The following THSD4 variants were observed in gnomAD, a reference collection of about 807,000 sequenced individuals.
THSD4 encodes thrombospondin type-1 domain-containing protein 4.
In THSD4, 69 loss-of-function variants were observed where a neutral mutation model predicts 119.0. The observed-to-expected ratio is 0.58, with a 90% confidence interval of 0.48 to 0.71. The LOEUF (loss-of-function observed/expected upper bound fraction) is 0.71, where lower values mean the gene tolerates loss of function less well. Among genes scored for constraint, THSD4 ranks in the 30% least tolerant of loss-of-function variants. The pLI, the probability that THSD4 is intolerant of heterozygous loss-of-function variation, is 0.00. For synonymous variants in THSD4, 524 were observed against 540.4 expected (o/e 0.97, Z 0.42); for missense variants, 1,393 against 1,391.1 (o/e 1.00, Z -0.02).
chr15:71,526,007 G>A (rs1022349600), intron 7 of THSD4, among the ~76,000 whole-genome samples: 1 of 152,170 alleles, frequency 6.6e-6, no homozygotes, highest in Non-Finnish European at 1.5e-5. Flanking sequence ...AATAAGAACC[G>A]ACCCTATTCG....
rs1260616284 is a variant in THSD4, at chr15:71,141,469, T to C, written c.-59T>C. The stretch of plus-strand genomic sequence containing the variant: ...CATAGGACTTGAACGCAACTCCCAA[T>C]TGCAGAAAATTGGCAACGTCTCTGA... On this transcript the variant is annotated 5_prime_UTR_variant, in exon 2 of 18. Coordinates refer to ENST00000261862, the MANE Select transcript of THSD4 (RefSeq NM_024817.3). 24 of 1,551,296 alleles carry C rather than the reference T, an allele frequency of 1.5e-5. No homozygotes were observed. In the Middle Eastern group the frequency reaches 5.1e-4, roughly 33 times the overall value.
At chr15:71,457,833 A>G (rs955713278) in intron 7 of THSD4, among the ~76,000 whole-genome samples, 1 of 152,106 alleles carries the variant, frequency 6.6e-6, no homozygotes, top group Non-Finnish European at 1.5e-5. Context: ...CTTTGGTTAT[A>G]TGTTTATGGC....
chr15:71,240,605 C>T (rs1596285963), intron 4 of THSD4, among the ~76,000 whole-genome samples: 1 of 152,114 alleles, frequency 6.6e-6, no homozygotes, highest in African/African-American at 2.4e-5. Flanking sequence ...GTCCATTTCT[C>T]TGTTACCTTC....
intron 3 of THSD4, among the ~76,000 whole-genome samples, chr15:71,180,515 A>T (rs1305721371): frequency 6.6e-6 from 1 of 152,206 alleles, no homozygotes; most frequent in Non-Finnish European, 1.5e-5. Flanking sequence ...AGGGGGGAAT[A>T]CATATGAGAA....
At chr15:71,377,123 GT>G (rs1463738777) in intron 6 of THSD4, among the ~76,000 whole-genome samples, 2 of 152,240 alleles carry the variant, frequency 1.3e-5, no homozygotes, top group Non-Finnish European at 2.9e-5. Flanking sequence ...GGGAATCAAT[GT>G]GGCAGGATGG....
chr15:71,609,654 C>A (rs1426116006), intron 7 of THSD4, among the ~76,000 whole-genome samples: 1 of 152,032 alleles, frequency 6.6e-6, no homozygotes, highest in Admixed American at 6.5e-5. Flanking sequence ...AAATTGAGAC[C>A]ATCCTGGCTA....
intron 13 of THSD4, among the ~76,000 whole-genome samples, chr15:71,748,142 G>C (rs1338673205): frequency 6.6e-6 from 1 of 152,182 alleles, no homozygotes; most frequent in Non-Finnish European, 1.5e-5. Context: ...CATTTTTAAG[G>C]TTTCTCTGGG....
intron 1 of THSD4, among the ~76,000 whole-genome samples, chr15:71,103,485 G>C (rs1030914063): frequency 6.6e-6 from 1 of 152,114 alleles, no homozygotes; most frequent in Non-Finnish European, 1.5e-5. Context: ...GCTCCTTGGG[G>C]CCTCCCTTTT....
At chr15:71,655,198 G>A (rs1299247369) in intron 7 of THSD4, among the ~76,000 whole-genome samples, 2 of 152,190 alleles carry the variant, frequency 1.3e-5, no homozygotes, top group African/African-American at 2.4e-5. Flanking sequence ...AGCAGTACAC[G>A]ATGAGCAAGA....
chr15:71,770,915 T>C (rs781719747), intron 16 of THSD4, 149 bp from the exon 17 acceptor site: 3 of 1,177,640 alleles, frequency 2.5e-6, no homozygotes, highest in Non-Finnish European at 2.4e-6. Flanking sequence ...TTGCTGATTG[T>C]TGAAGCTGGT....
chr15:71,582,265 T>A (rs947501447), intron 7 of THSD4, among the ~76,000 whole-genome samples: 1 of 152,192 alleles, frequency 6.6e-6, no homozygotes, highest in Non-Finnish European at 1.5e-5. Flanking sequence ...GATTGTTTTC[T>A]TCATTTCTTT....
chr15:71,687,582 C>T (rs1404977228), intron 8 of THSD4, among the ~76,000 whole-genome samples: 3 of 152,088 alleles, frequency 2.0e-5, no homozygotes, highest in Non-Finnish European at 4.4e-5. Context: ...TGGTGAAACC[C>T]TGTCTCTACT....
At chr15:71,152,741 T>A (rs368828250) in intron 2 of THSD4, among the ~76,000 whole-genome samples, 2 of 152,110 alleles carry the variant, frequency 1.3e-5, no homozygotes, top group East Asian at 3.9e-4. Flanking sequence ...AGTTCCAGAT[T>A]CTCCTCTCTC....
intron 6 of THSD4, among the ~76,000 whole-genome samples, chr15:71,321,581 A>G (rs576887989): frequency 6.6e-6 from 1 of 152,316 alleles, no homozygotes; most frequent in Non-Finnish European, 1.5e-5. Context: ...CTTTTAAAAC[A>G]TAAGGTTAAC....
chr15:71,660,810 C>T (rs2051291266), intron 8 of THSD4, 76 bp downstream of exon 8: 2 of 1,541,246 alleles, frequency 1.3e-6, no homozygotes, highest in Admixed American at 3.5e-5. Context: ...GTGAGATAGA[C>T]ACAGCAGTGT....
At chr15:71,173,278 T>A (rs560738948) in intron 3 of THSD4, among the ~76,000 whole-genome samples, 1 of 151,908 alleles carries the variant, frequency 6.6e-6, no homozygotes, top group Admixed American at 6.6e-5. Context: ...TACAGTAGCA[T>A]TGAAAAAAAT....
chr15:71,362,793 T>C (rs1346298952), intron 6 of THSD4, among the ~76,000 whole-genome samples: 1 of 152,050 alleles, frequency 6.6e-6, no homozygotes, highest in African/African-American at 2.4e-5. Flanking sequence ...CCTCCACACA[T>C]ATGGAGATCC....
chr15:71,597,298 CTT>C (rs1273902526), intron 7 of THSD4, among the ~76,000 whole-genome samples: 2 of 152,092 alleles, frequency 1.3e-5, no homozygotes, highest in East Asian at 1.9e-4. Flanking sequence ...CAATTGGACT[CTT>C]TAGCAATTGA....
At chr15:71,102,134 A>G (rs1348491927) in intron 1 of THSD4, among the ~76,000 whole-genome samples, 1 of 152,218 alleles carries the variant, frequency 6.6e-6, no homozygotes, top group African/African-American at 2.4e-5. Context: ...TGAGTCATTT[A>G]TCTTTGATTG....
Sources: allele counts gnomAD v4.1 joint callset (sites outside exome capture counted in the v4.1 genomes callset), GRCh38; gene constraint gnomAD v4.1.1; transcripts MANE v1.5; gene names NCBI Gene and HGNC (gene_info 2026-07-23, HGNC 2026-07-21).